Variants in PPP1R8 observed in about 807,000 individuals in gnomAD.
PPP1R8 encodes nuclear inhibitor of protein phosphatase 1.
A neutral mutation model predicts 31.3 loss-of-function variants in PPP1R8; 4 were observed. That is an observed-to-expected ratio of 0.13 (90% CI 0.06 to 0.29). The LOEUF is 0.29. PPP1R8 is among the 10% of genes least tolerant of loss of function. The probability of loss-of-function intolerance (pLI) is 1.00; values close to 1 mark genes in which losing one functional copy is unlikely to be tolerated. For synonymous variants in PPP1R8, 170 were observed against 169.7 expected (o/e 1.00, Z -0.01); for missense variants, 254 against 440.1 (o/e 0.58, Z 3.78).
intron 2 of PPP1R8, among the ~76,000 whole-genome samples, chr1:27,835,487 G>C (rs895509801): frequency 3.3e-5 from 5 of 152,218 alleles, no homozygotes; most frequent in Non-Finnish European, 2.9e-5. Context: ...GTTCTCCATA[G>C]TAGTGTGGGC....
Position 27,832,801 on chromosome 1 carries a change from A to G in PPP1R8, c.102A>G (p.Gly34=), listed in dbSNP as rs1163481719. 6.2e-7 allele frequency: 1 copy of G among 1,609,448 alleles called. No individual in the cohort carries two copies. The highest frequency in any genetic ancestry group is 8.5e-7 in the Non-Finnish European group (1 of 1,177,602). The part of the protein sequence containing the change: ...PPGLHLDVVK[G]DKLIEKLIID... ...GTTTACATCTGGATGTAGTCAAAGG[A>G]GACAAACTAATTGAGGTATGGAAAT... is the stretch of plus-strand genomic sequence containing the variant. The change falls in exon 2 of 7, where the codon GGA becomes GGG. Residue 34 remains glycine, a synonymous_variant. Coordinates refer to ENST00000311772, the MANE Select transcript of PPP1R8 (RefSeq NM_014110.5).
At chr1:27,843,065 C>T in intron 4 of PPP1R8, 121 bp from the exon 5 acceptor site, 2 of 1,155,914 alleles carry the variant, frequency 1.7e-6, no homozygotes, top group South Asian at 1.4e-5. Flanking sequence ...AGAAGTGTCT[C>T]AACTCCCTTT....
intron 6 of PPP1R8, among the ~76,000 whole-genome samples, chr1:27,849,614 G>A (rs181116455): frequency 1.5e-4 from 23 of 152,078 alleles, no homozygotes; most frequent in African/African-American, 4.1e-4. Context: ...TCAGCCTCCC[G>A]AGTAGCTGTG....
At chr1:27,832,851 A>T (rs1181427755) in intron 2 of PPP1R8, 35 bp downstream of exon 2, 20 of 1,554,272 alleles carry the variant, frequency 1.3e-5, no homozygotes, top group Non-Finnish European at 1.3e-5. Context: ...TTTGGCTGCC[A>T]CACTAAAGAT....
rs142022709 is a variant in PPP1R8 at position 27,843,194 on chromosome 1, A to G, written c.501A>G (p.Thr167=). 8.8e-5 allele frequency: 142 copies of G among 1,614,152 alleles called. No homozygotes were observed. The Admixed American group carries it at 2.3e-3, about 26-fold the overall frequency. ...TATGAACCCTGGCTTAGAACCTGAC[A>G]GAGTTCAACACTGCCCACAACAAGC... is the stretch of plus-strand genomic sequence containing the variant. The part of the protein sequence containing the change: ...PEEETELDNL[T]EFNTAHNKRI... Residue 167 remains threonine (T), a synonymous_variant, in exon 5 of 7, where the codon ACA becomes ACG. Coordinates refer to ENST00000311772, the MANE Select transcript of PPP1R8 (RefSeq NM_014110.5).
intron 5 of PPP1R8, 29 bp downstream of exon 5, chr1:27,843,359 G>T: frequency 6.2e-7 from 1 of 1,613,842 alleles, no homozygotes; most frequent in South Asian, 1.1e-5. Flanking sequence ...TTATTCTGAT[G>T]AAAAAGCTGT....
intron 2 of PPP1R8, chr1:27,834,400 T>TG: frequency 1.9e-6 from 1 of 517,884 alleles, no homozygotes; most frequent in East Asian, 5.4e-5. Context: ...TTAAACTTGA[T>TG]CAGCACTTGA....
In PPP1R8 at chr1:27,850,295, A is replaced by G. The variant is rs1311572813; in HGVS notation, c.905A>G (p.Asp302Gly). 2 of 1,614,082 alleles carry G rather than the reference A, an allele frequency of 1.2e-6. No homozygotes were observed. Among genetic ancestry groups the G allele is most frequent in the Non-Finnish European group, 1.7e-6 (2 of 1,180,056 alleles). Residue 302 changes from aspartate (D) to glycine (G), a missense_variant, in exon 7 of 7, where the codon GAC (aspartate) becomes GGC (glycine). Coordinates refer to ENST00000311772, the MANE Select transcript of PPP1R8 (RefSeq NM_014110.5). ...TACCCAAACCTTGCCCCTGATGTGG[A>G]CTTGACTCCTGTTGTGCCGTCAGCA... The part of the protein sequence containing the change: ...MPYPNLAPDV[D>G]LTPVVPSAVN...
rs546595449 is a variant in PPP1R8, at chr1:27,830,972, C to T, written c.56+81C>T. Reference sequence around the variant, plus strand: ...GAAGGGCGGCTCTTTTTTTACTTTTCTGCTGCGAGCCGAACGGCTCAGAAA... The same window carrying T: ...GAAGGGCGGCTCTTTTTTTACTTTTTTGCTGCGAGCCGAACGGCTCAGAAA... On this transcript the variant is annotated intron_variant, in intron 1 of 6. Coordinates refer to ENST00000311772, the MANE Select transcript of PPP1R8 (RefSeq NM_014110.5). The T allele has an allele frequency of 6.9e-6, 10 of 1,459,524 alleles. No individual in the cohort carries two copies. In the African/African-American group the frequency reaches 1.0e-4, roughly 15 times the overall value. 90.4% of individuals were successfully genotyped at this position (1,459,524 alleles called of 1,614,324 possible).
At chr1:27,840,123 A>G (rs2089209071) in intron 3 of PPP1R8, among the ~76,000 whole-genome samples, 1 of 152,240 alleles carries the variant, frequency 6.6e-6, no homozygotes. Flanking sequence ...GCATACACCA[A>G]TTAATAAGAG....
Position 27,847,051 on chromosome 1 carries a change from C to T in PPP1R8, c.661C>T (p.Arg221Ter). 6.2e-7 allele frequency: 1 copy of T among 1,614,080 alleles called. No homozygotes were observed. The highest frequency in any genetic ancestry group is 1.7e-5 in the Admixed American group (1 of 60,006). The change falls in exon 6 of 7, where the codon CGA becomes TGA. Residue 221 changes from arginine to a stop codon, truncating the protein, a stop_gained. Transcript: ENST00000311772. LOFTEE classifies it high-confidence loss of function. The part of the protein sequence containing the change: ...NPEDVDPSVG[R>*]FRNMVQTAVV... ...AGAGGATGTGGATCCCTCAGTTGGT[C>T]GATTCAGGAACATGGTGCAAACTGC...
chr1:27,850,115 G>A lies in PPP1R8; in HGVS notation c.725G>A (p.Gly242Asp). 6.3e-7 allele frequency: 1 copy of A among 1,586,790 alleles called. No homozygotes were observed. The highest frequency in any genetic ancestry group is 8.6e-7 in the Non-Finnish European group (1 of 1,164,678). Residue 242 changes from glycine (G) to aspartate (D), a missense_variant, in exon 7 of 7, where the codon GGC (glycine) becomes GAC (aspartate). Physicochemically the swap from Gly to Asp is moderately conservative, Grantham distance 94 (BLOSUM62 -1). Coordinates refer to ENST00000311772, the MANE Select transcript of PPP1R8 (RefSeq NM_014110.5). ...PVKKKRVEGP[G>D]SLGLEESGSR... ...TAGAAGAAGCGTGTGGAGGGCCCTG[G>A]CTCCCTGGGCCTGGAGGAATCAGGG...
At chr1:27,831,050 T>C in intron 1 of PPP1R8, 159 bp downstream of exon 1, 1 of 1,390,420 alleles carries the variant, frequency 7.2e-7, no homozygotes, top group Non-Finnish European at 9.3e-7. Context: ...GGCGACGTGT[T>C]GAAGAACCGA....
chr1:27,849,704 G>T (rs2089321183), intron 6 of PPP1R8, among the ~76,000 whole-genome samples: 2 of 152,096 alleles, frequency 1.3e-5, no homozygotes, highest in South Asian at 4.1e-4. Flanking sequence ...GGCCAGGCTG[G>T]TCTCAAACTC....
chr1:27,845,865 C>T (rs1169174657), intron 5 of PPP1R8, among the ~76,000 whole-genome samples: 1 of 144,018 alleles, frequency 6.9e-6, no homozygotes, highest in Non-Finnish European at 1.5e-5. Context: ...TCTCGGCTCA[C>T]TGCAAGCTCC....
chr1:27,842,046 AT>A (rs1201899513), intron 4 of PPP1R8, among the ~76,000 whole-genome samples: 2 of 152,198 alleles, frequency 1.3e-5, no homozygotes, highest in Non-Finnish European at 2.9e-5. Context: ...CACGATAGAA[AT>A]TGTACAACTT....
At chr1:27,843,123 G>T in intron 4 of PPP1R8, 63 bp from the exon 5 acceptor site, 1 of 1,594,204 alleles carries the variant, frequency 6.3e-7, no homozygotes, top group South Asian at 1.1e-5. Context: ...TATTTAGTAT[G>T]ATTTTCTCCA....
chr1:27,830,872 C>G lies in PPP1R8; in HGVS notation c.37C>G (p.Leu13Val), dbSNP rs766848706. Residue 13 changes from leucine to valine, a missense_variant, in exon 1 of 7, where the codon CTG becomes GTG. Transcript: ENST00000311772. ...CGCGAACTCCGGCTCTAGCCTCCCG[C>G]TGTTCGACTGCCCAACCTGGTGAGT... is the stretch of plus-strand genomic sequence containing the variant. ...AAANSGSSLP[L>V]FDCPTWAGKP... 1 of 1,573,230 alleles carries G rather than the reference C, an allele frequency of 6.4e-7. No homozygotes were observed. Among genetic ancestry groups the G allele is most frequent in the Non-Finnish European group, 8.6e-7 (1 of 1,160,224 alleles).
At chr1:27,831,901 T>G (rs2089113170) in intron 1 of PPP1R8, among the ~76,000 whole-genome samples, 1 of 152,200 alleles carries the variant, frequency 6.6e-6, no homozygotes, top group Non-Finnish European at 1.5e-5. Context: ...TTTTTCTAAC[T>G]TCAAATTAGC....
Sources: gnomAD v4.1 joint callset for allele counts (sites outside exome capture counted in the v4.1 genomes callset) on GRCh38, gnomAD v4.1.1 for gene constraint, MANE v1.5 for transcripts, NCBI Gene and HGNC (gene_info 2026-07-23, HGNC 2026-07-21) for gene names.